The following TBC1D19 variants were observed in gnomAD, a reference collection of about 807,000 sequenced individuals.
The protein encoded by TBC1D19 is TBC1 domain family member 19.
A neutral mutation model predicts 89.0 loss-of-function variants in TBC1D19; 60 were observed. That is an observed-to-expected ratio of 0.67 (90% confidence interval 0.55 to 0.84). TBC1D19 has a LOEUF of 0.84. TBC1D19 is among the 40% of genes least tolerant of loss of function. The pLI is 0.00. For synonymous variants in TBC1D19, 189 were observed against 199.7 expected, an observed-to-expected ratio of 0.95 and a Z score of 0.45; for missense variants, 500 against 610.8, an observed-to-expected ratio of 0.82 and a Z score of 1.91.
the TBC1D19 span, among the ~76,000 whole-genome samples, chr4:26,805,992 G>A: frequency 6.6e-6 from 1 of 151,826 alleles, no homozygotes; most frequent in African/African-American, 2.4e-5. Flanking sequence ...GAAAGAAAAA[G>A]TATCAGACCC....
chr4:26,676,041 A>C (rs891668234), intron 11 of TBC1D19, among the ~76,000 whole-genome samples: 1 of 152,198 alleles, frequency 6.6e-6, no homozygotes, highest in South Asian at 2.1e-4. Flanking sequence ...TTTAAATTTC[A>C]GTTTGCTAAA....
chr4:26,576,833 A>C (rs539335378), intron 1 of TBC1D19: 7 of 456,212 alleles, frequency 1.5e-5, no homozygotes, highest in South Asian at 1.1e-4. Flanking sequence ...TGACCAGGTA[A>C]AGGGCTATGT....
chr4:26,681,887 G>A (rs954133271), intron 11 of TBC1D19, among the ~76,000 whole-genome samples: 1 of 152,044 alleles, frequency 6.6e-6, no homozygotes. Flanking sequence ...CAACACAAAC[G>A]CCCAACTATG....
chr4:26,767,245 A>G, the TBC1D19 span, among the ~76,000 whole-genome samples: 1 of 152,220 alleles, frequency 6.6e-6, no homozygotes, highest in African/African-American at 2.4e-5. Context: ...TATACTGCAC[A>G]TTAGTCCATT....
At chr4:26,797,083 A>C in the TBC1D19 span, among the ~76,000 whole-genome samples, 1 of 152,228 alleles carries the variant, frequency 6.6e-6, no homozygotes, top group Non-Finnish European at 1.5e-5. Context: ...GAAAAGAACA[A>C]GTGAAATTAT....
chr4:26,602,649 C>G (rs957271219), intron 1 of TBC1D19, among the ~76,000 whole-genome samples: 5 of 151,852 alleles, frequency 3.3e-5, no homozygotes, highest in Admixed American at 6.6e-5. Context: ...ACCGTGTTAG[C>G]CAGGATGGTC....
At chr4:26,685,858 C>T (rs1196891967) in intron 12 of TBC1D19, among the ~76,000 whole-genome samples, 10 of 152,032 alleles carry the variant, frequency 6.6e-5, no homozygotes, top group Non-Finnish European at 8.8e-5. Flanking sequence ...GAAACTCACA[C>T]GTGAAAAAGC....
At chr4:26,726,243 A>C (rs2109284454) in intron 15 of TBC1D19, among the ~76,000 whole-genome samples, 1 of 152,164 alleles carries the variant, frequency 6.6e-6, no homozygotes, top group Non-Finnish European at 1.5e-5. Flanking sequence ...AGGGATGCTG[A>C]TAAACGTCCT....
At chr4:26,748,032 C>A (rs536105318) in intron 18 of TBC1D19, among the ~76,000 whole-genome samples, 12 of 152,214 alleles carry the variant, frequency 7.9e-5, no homozygotes, top group Non-Finnish European at 1.5e-4. Context: ...AACAATCTTT[C>A]AAGTATTTTG....
At chr4:26,813,774 A>G in the TBC1D19 span, among the ~76,000 whole-genome samples, 17 of 151,822 alleles carry the variant, frequency 1.1e-4, no homozygotes, top group East Asian at 2.9e-3. Context: ...CCTGGATTCT[A>G]CTCCATTGCC....
intron 4 of TBC1D19, among the ~76,000 whole-genome samples, chr4:26,627,279 C>T (rs1742479564): frequency 6.6e-6 from 1 of 152,088 alleles, no homozygotes; most frequent in Non-Finnish European, 1.5e-5. Flanking sequence ...TTTCTTAATC[C>T]AGTCTATCAT....
chr4:26,622,544 G>A (rs986488054), intron 4 of TBC1D19, among the ~76,000 whole-genome samples: 4 of 152,018 alleles, frequency 2.6e-5, no homozygotes, highest in African/African-American at 7.2e-5. Context: ...TGTATATCAC[G>A]GATCTGCAAA....
intron 16 of TBC1D19, among the ~76,000 whole-genome samples, chr4:26,738,655 A>G (rs1472506976): frequency 2.0e-5 from 3 of 151,780 alleles, no homozygotes; most frequent in Non-Finnish European, 2.9e-5. Context: ...ATATATATAC[A>G]AGTATGTATT....
the TBC1D19 span, among the ~76,000 whole-genome samples, chr4:26,801,909 G>T: frequency 3.6e-4 from 55 of 152,168 alleles, 1 homozygote; most frequent in East Asian, 9.5e-3. Context: ...GAGAGAGATT[G>T]ATAATCTTTA....
intron 12 of TBC1D19, 109 bp from the exon 13 acceptor site, chr4:26,688,236 A>G (rs1381724944): frequency 3.7e-6 from 5 of 1,337,374 alleles, no homozygotes; most frequent in African/African-American, 1.5e-5. Context: ...GTTTATAATC[A>G]TAAAGTAATA....
chr4:26,829,394 A>T, the TBC1D19 span, among the ~76,000 whole-genome samples: 1 of 152,212 alleles, frequency 6.6e-6, no homozygotes, highest in African/African-American at 2.4e-5. Context: ...AGCCCTCTAT[A>T]GCTGAAGAAA....
At chr4:26,683,629 T>G (rs773082769) in intron 11 of TBC1D19, 46 bp from the exon 12 acceptor site, 1 of 1,491,118 alleles carries the variant, frequency 6.7e-7, no homozygotes, top group Non-Finnish European at 9.2e-7. Context: ...GCTGACTTTA[T>G]AAATGTGATT....
chr4:26,681,160 A>T (rs1196487893), intron 11 of TBC1D19, among the ~76,000 whole-genome samples: 1 of 152,180 alleles, frequency 6.6e-6, no homozygotes, highest in Non-Finnish European at 1.5e-5. Context: ...GTACATAGAT[A>T]AAATGTGCTC....
At chr4:26,675,379 G>A (rs2109117241) in intron 11 of TBC1D19, among the ~76,000 whole-genome samples, 1 of 151,920 alleles carries the variant, frequency 6.6e-6, no homozygotes, top group African/African-American at 2.4e-5. Context: ...CTACTTGTAG[G>A]TGTTTTCTTG....
Sources: allele counts gnomAD v4.1 joint callset (sites outside exome capture counted in the v4.1 genomes callset), GRCh38; gene constraint gnomAD v4.1.1; transcripts MANE v1.5; gene names NCBI Gene and HGNC (gene_info 2026-07-23, HGNC 2026-07-21).